SLC44A4: variants seen among roughly 807,000 people sequenced by gnomAD.
SLC44A4 encodes the protein choline transporter-like protein 4.
A neutral mutation model predicts 97.0 loss-of-function variants in SLC44A4; 74 were observed. That is an observed-to-expected ratio of 0.76 (90% CI 0.63 to 0.93). SLC44A4 has a LOEUF of 0.93. Ranked by LOEUF, SLC44A4 falls within the 40% of genes least tolerant of loss-of-function variation. SLC44A4 has a pLI of 0.00. For missense variants in SLC44A4, 799 were observed against 902.9 expected (o/e 0.88, Z 1.48); for synonymous variants, 325 against 363.8 (o/e 0.89, Z 1.21).
At chr6:31,864,983 CT>C in intron 18 of SLC44A4, 26 bp downstream of exon 18, 1 of 1,614,092 alleles carries the variant, frequency 6.2e-7, no homozygotes, top group Non-Finnish European at 8.5e-7. Context: ...CCCCTACCCT[CT>C]GTCCCCACAG....
Position 31,863,719 on chromosome 6 carries a change from G to A in SLC44A4, c.2041C>T (p.Leu681=), listed in dbSNP as rs1235234993. 6.2e-7 allele frequency: 1 copy of A among 1,612,704 alleles called. No individual in the cohort carries two copies. Among genetic ancestry groups the A allele is most frequent in the Non-Finnish European group, 8.5e-7 (1 of 1,179,958 alleles). ...TTGGACATGTAGTAGGGCCGGTCCA[G>A]GGAGCCGTTGTTCCGCTCCAGGTCT... ...LEDLERNNGS[L]DRPYYMSKSL... is the part of the protein sequence containing the mutation. The change falls in exon 21 of 21, where the codon CTG becomes TTG. Residue 681 remains leucine, a synonymous_variant. Transcript: ENST00000229729.
chr6:31,863,864 G>A, intron 20 of SLC44A4, 116 bp from the exon 21 acceptor site: 8 of 1,390,278 alleles, frequency 5.8e-6, no homozygotes, highest in Non-Finnish European at 7.9e-6. Context: ...TTACCCCCGG[G>A]CAGGTTATGT....
chr6:31,872,281 G>A (rs1487596539), intron 7 of SLC44A4, among the ~76,000 whole-genome samples: 2 of 152,056 alleles, frequency 1.3e-5, no homozygotes, highest in African/African-American at 4.8e-5. Flanking sequence ...TGTCACCCAG[G>A]CTAGAGTGCA....
In SLC44A4 at chr6:31,876,998, C is replaced by A. The variant is rs751837909; in HGVS notation, c.89+36G>T. On this transcript the variant is annotated intron_variant, in intron 2 of 20. Coordinates refer to ENST00000229729, the MANE Select transcript of SLC44A4 (RefSeq NM_025257.3). The surrounding 1 kb of genome is among the most constrained non-coding windows in gnomAD (Gnocchi z 4.8). ...ACTGGATTCCACACTGCACCCACCA[C>A]CCCCGCCAGCCCCCGGAGCAGTGCC... The A allele has an allele frequency of 4.3e-5, 68 of 1,589,552 alleles. No individual in the cohort carries two copies. The Admixed American group carries it at 1.2e-3, about 29-fold the overall frequency.
At position 31,869,243 on chromosome 6, in the gene SLC44A4, G is replaced by A. The variant is rs769590580; in HGVS notation, c.1145C>T (p.Ser382Leu). 6.2e-6 allele frequency: 10 copies of A among 1,606,802 alleles called. No homozygotes were observed. Among genetic ancestry groups the A allele is most frequent in the South Asian group, 2.2e-5 (2 of 89,938 alleles). The stretch of plus-strand genomic sequence containing the variant: ...CCAGAGCACATACTGGGGTTGCCCC[G>A]ATGTAGCCAGGTACCCAGAGGGGAG... ...WAMTALYLAT[S>L]GQPQYVLWAS... Residue 382 changes from serine to leucine, a missense_variant, in exon 13 of 21, where the codon TCG (serine) becomes TTG (leucine). By Grantham distance (145) the Ser-to-Leu change is moderately radical. Around this residue, in one of 3 missense-constraint regions of SLC44A4, gnomAD observed 379 missense variants for 438.3 expected, o/e 0.86. Transcript: ENST00000229729.
chr6:31,870,954 C>G lies in SLC44A4; in HGVS notation c.795G>C (p.Val265=). Residue 265 remains valine (V), a synonymous_variant, in exon 10 of 21, where the codon GTG becomes GTC. Coordinates refer to ENST00000229729, the MANE Select transcript of SLC44A4 (RefSeq NM_025257.3). ...GPLVLVLILG[V]LGVLAYGIYY... The stretch of plus-strand genomic sequence containing the variant: ...AGATGCCGTATGCCAGCACGCCCAG[C>G]ACTCCCAGGATCAGCACCAGCACCA... 1 of 1,613,014 alleles carries G rather than the reference C, an allele frequency of 6.2e-7. No homozygotes were observed. The highest frequency in any genetic ancestry group is 8.5e-7 in the Non-Finnish European group (1 of 1,179,940).
Position 31,877,464 on chromosome 6 carries a change from C to T in SLC44A4, c.41-382G>A. ...TGGCTCTCACTCCCTCATTCTCATC[C>T]CTGCCTCCTCCCTAATCCCTCCCCA... On this transcript the variant is annotated intron_variant, in intron 1 of 20. Transcript: ENST00000229729. This position sits in a 1 kb window ranked among gnomAD's most constrained non-coding sequence, Gnocchi z 6.5. 2.5e-6 allele frequency: 1 copy of T among 406,826 alleles called. No homozygotes were observed. Among genetic ancestry groups the T allele is most frequent in the Non-Finnish European group, 3.7e-6 (1 of 271,662 alleles). The allele number at this position is 406,826 out of a possible 1,614,324, so 25.2% of individuals were successfully genotyped here. A position where few individuals can be genotyped will look rare whatever the true frequency, so the allele number is the denominator to read the frequency against.
chr6:31,873,587 G>A (rs1049474138), intron 7 of SLC44A4, among the ~76,000 whole-genome samples: 3 of 150,458 alleles, frequency 2.0e-5, no homozygotes, highest in African/African-American at 4.9e-5. Context: ...TGCTTGAATC[G>A]AGGAGTTCAA....
intron 20 of SLC44A4, chr6:31,864,388 C>T (rs1762720717): frequency 3.5e-6 from 2 of 573,116 alleles, no homozygotes; most frequent in South Asian, 2.2e-5. Flanking sequence ...TAATGGCTAA[C>T]TTCTACCCGA....
chr6:31,878,818 C>A lies in SLC44A4; in HGVS notation c.40+123G>T. ...CCCTCCATGGCTCCCGGTTCCCGGG[C>A]CCTCCCCTCAGGGACACAGTACTCT... On this transcript the variant is annotated intron_variant, in intron 1 of 20. Transcript: ENST00000229729. The surrounding 1 kb of genome is among the most constrained non-coding windows in gnomAD (Gnocchi z 4.0). 1 of 1,206,226 alleles carries A rather than the reference C, an allele frequency of 8.3e-7. No individual in the cohort carries two copies. 74.7% of individuals were successfully genotyped at this position (1,206,226 alleles called of 1,614,324 possible).
At chr6:31,871,820 C>T (rs1227998780) in intron 7 of SLC44A4, among the ~76,000 whole-genome samples, 1 of 152,140 alleles carries the variant, frequency 6.6e-6, no homozygotes, top group Non-Finnish European at 1.5e-5. Context: ...GTCACCCTTC[C>T]ATCCACCCTC....
intron 20 of SLC44A4, among the ~76,000 whole-genome samples, chr6:31,863,955 A>T (rs1432941228): frequency 6.6e-6 from 1 of 152,132 alleles, no homozygotes; most frequent in African/African-American, 2.4e-5. Context: ...GAAAAAATGC[A>T]TGTCAGTCGC....
Position 31,874,431 on chromosome 6 carries a change from C to T in SLC44A4, c.529+29G>A, listed in dbSNP as rs762305921. 1.1e-5 allele frequency: 17 copies of T among 1,609,336 alleles called. No individual in the cohort carries two copies. Among genetic ancestry groups the T allele is most frequent in the East Asian group, 8.9e-5 (4 of 44,886 alleles). ...GCAATGAAAACACTGGACTAGATGACGTCTGAGGAAGGAATCTGTGCTTCT... is the reference window on the plus strand; with the variant it reads ...GCAATGAAAACACTGGACTAGATGATGTCTGAGGAAGGAATCTGTGCTTCT... On this transcript the variant is annotated intron_variant, in intron 7 of 20. Coordinates refer to ENST00000229729, the MANE Select transcript of SLC44A4 (RefSeq NM_025257.3). This position sits in a 1 kb window ranked among gnomAD's most constrained non-coding sequence, Gnocchi z 4.8.
At chr6:31,863,960 A>C (rs1200166418) in intron 20 of SLC44A4, among the ~76,000 whole-genome samples, 1 of 152,194 alleles carries the variant, frequency 6.6e-6, no homozygotes, top group Non-Finnish European at 1.5e-5. Context: ...AATGCATGTC[A>C]GTCGCTTAGG....
intron 13 of SLC44A4, among the ~76,000 whole-genome samples, chr6:31,867,801 G>A (rs1762943028): frequency 6.7e-6 from 1 of 150,240 alleles, no homozygotes; most frequent in Non-Finnish European, 1.5e-5. Flanking sequence ...CACATAGTGG[G>A]TCCTCTGTAC....
At chr6:31,873,225 C>T (rs772081012) in intron 7 of SLC44A4, among the ~76,000 whole-genome samples, 2 of 152,052 alleles carry the variant, frequency 1.3e-5, no homozygotes, top group Non-Finnish European at 2.9e-5. Context: ...GGCTAGAGTA[C>T]AGTGGCACGA....
Position 31,874,816 on chromosome 6 carries a change from A to G in SLC44A4, c.373T>C (p.Trp125Arg). ...GAGAACTCGTTTTTTCCCACAGTCC[A>G]TGGGTCCTCCGGGCAGGAGGACACA... ...VCVSSCPEDP[W>R]TVGKNEFSQT... The change falls in exon 6 of 21, where the codon TGG (tryptophan) becomes CGG (arginine). Residue 125 changes from tryptophan (W) to arginine (R), a missense_variant. This residue lies in a region of SLC44A4 where 409 missense variants were observed against 434.1 expected (regional missense o/e 0.94). Transcript: ENST00000229729. The surrounding 1 kb of genome is among the most constrained non-coding windows in gnomAD (Gnocchi z 4.8). 2 of 1,613,766 alleles carry G rather than the reference A, an allele frequency of 1.2e-6. No homozygotes were observed. The highest frequency in any genetic ancestry group is 1.7e-6 in the Non-Finnish European group (2 of 1,179,866).
chr6:31,871,260 G>T, intron 9 of SLC44A4, 54 bp downstream of exon 9: 1 of 1,535,322 alleles, frequency 6.5e-7, no homozygotes, highest in Non-Finnish European at 9.0e-7. Context: ...AGGGGGTAGA[G>T]GATCAGGGAG....
intron 13 of SLC44A4, among the ~76,000 whole-genome samples, chr6:31,866,700 T>C (rs1762891270): frequency 6.6e-6 from 1 of 151,938 alleles, no homozygotes; most frequent in South Asian, 2.1e-4. Flanking sequence ...CAAGACTAGC[T>C]TGGCCAACAT....
Sources: allele counts gnomAD v4.1 joint callset (sites outside exome capture counted in the v4.1 genomes callset), GRCh38; gene constraint gnomAD v4.1.1; regional missense constraint gnomAD v4.1.1; non-coding constraint Gnocchi (gnomAD v3.1); transcripts MANE v1.5; gene names NCBI Gene and HGNC (gene_info 2026-07-23, HGNC 2026-07-21).